The following SOX5 variants were observed in gnomAD, a reference collection of about 807,000 sequenced individuals.
The protein encoded by SOX5 is transcription factor SOX-5.
Under a neutral mutation model 92.0 loss-of-function variants are expected in SOX5, and 9 were observed. The ratio of observed to expected loss-of-function variants is 0.10; its 90% confidence interval spans 0.06 to 0.17. SOX5 has a LOEUF of 0.17. SOX5 is among the 10% of genes least tolerant of loss of function. SOX5 has a pLI of 1.00. For synonymous variants in SOX5, 344 were observed against 336.3 expected (o/e 1.02, Z -0.25); for missense variants, 642 against 944.5 (o/e 0.68, Z 4.20).
chr12:23,568,264 G>A (rs547777006), intron 10 of SOX5, among the ~76,000 whole-genome samples: 1 of 152,134 alleles, frequency 6.6e-6, no homozygotes, highest in Non-Finnish European at 1.5e-5. Flanking sequence ...GCATGGAACA[G>A]GTTCTCATTC....
At chr12:23,906,842 A>C (rs1017667135) in intron 1 of SOX5, among the ~76,000 whole-genome samples, 1 of 152,168 alleles carries the variant, frequency 6.6e-6, no homozygotes, top group Non-Finnish European at 1.5e-5. Context: ...GGTTAAGGAA[A>C]TAAAGACAGT....
At chr12:23,680,460 CACAGAG>C (rs1481755199) in intron 6 of SOX5, among the ~76,000 whole-genome samples, 1 of 150,112 alleles carries the variant, frequency 6.7e-6, no homozygotes, top group Non-Finnish European at 1.5e-5. Flanking sequence ...GATTTCAGTC[CACAGAG>C]ACAGAAAGAT....
At chr12:23,810,211 C>T (rs184804867) in intron 3 of SOX5, among the ~76,000 whole-genome samples, 25 of 152,234 alleles carry the variant, frequency 1.6e-4, no homozygotes, top group Admixed American at 6.5e-4. Flanking sequence ...GAATTAAGTA[C>T]ACCAAAAAGT....
intron 1 of SOX5, among the ~76,000 whole-genome samples, chr12:24,438,199 A>T (rs777889739): frequency 6.6e-6 from 1 of 152,080 alleles, no homozygotes; most frequent in Non-Finnish European, 1.5e-5. Context: ...ACCAAACCCC[A>T]CATGTTCTCA....
At chr12:23,708,236 C>A (rs1593492910) in intron 6 of SOX5, among the ~76,000 whole-genome samples, 1 of 148,714 alleles carries the variant, frequency 6.7e-6, no homozygotes. Flanking sequence ...GAAATCAGGC[C>A]AGTTTGGCCT....
chr12:24,251,941 C>G (rs1198861881), intron 3 of SOX5, among the ~76,000 whole-genome samples: 1 of 89,662 alleles, frequency 1.1e-5, no homozygotes, highest in African/African-American at 3.2e-5. Flanking sequence ...GCATCACAAA[C>G]CCAGTTATTA....
intron 1 of SOX5, among the ~76,000 whole-genome samples, chr12:24,518,073 CTTT>C (rs59086253): frequency 6.8e-6 from 1 of 146,130 alleles, no homozygotes. Context: ...ACACTTTAGA[CTTT>C]TTTTTTTTTT....
At chr12:23,564,301 C>T (rs979665415) in intron 10 of SOX5, among the ~76,000 whole-genome samples, 2 of 152,094 alleles carry the variant, frequency 1.3e-5, no homozygotes, top group Admixed American at 6.6e-5. Flanking sequence ...ATTAGACGTA[C>T]GTTAGTACTG....
intron 1 of SOX5, among the ~76,000 whole-genome samples, chr12:24,495,859 CGA>C (rs1218808454): frequency 1.3e-5 from 2 of 152,152 alleles, no homozygotes; most frequent in East Asian, 1.9e-4. Flanking sequence ...AGCTCAGTTC[CGA>C]GAGAGTCCTT....
chr12:23,543,648 G>T (rs1368481508), intron 12 of SOX5, among the ~76,000 whole-genome samples: 1 of 151,968 alleles, frequency 6.6e-6, no homozygotes, highest in African/African-American at 2.4e-5. Flanking sequence ...ACTTTCAACA[G>T]CTCAAAATAA....
At chr12:23,807,836 T>G (rs1265246230) in intron 3 of SOX5, among the ~76,000 whole-genome samples, 1 of 151,660 alleles carries the variant, frequency 6.6e-6, no homozygotes, top group Non-Finnish European at 1.5e-5. Flanking sequence ...TTAGTAGAGA[T>G]GGGGTTTCAC....
chr12:24,220,503 T>A (rs1172065074), intron 3 of SOX5, among the ~76,000 whole-genome samples: 3 of 152,168 alleles, frequency 2.0e-5, no homozygotes, highest in African/African-American at 7.2e-5. Flanking sequence ...TCCAAGAAAT[T>A]TTATAACTTT....
chr12:24,465,380 G>A (rs75766325), intron 1 of SOX5, among the ~76,000 whole-genome samples: 6,258 of 152,288 alleles, frequency 0.041, 185 homozygotes, highest in African/African-American at 0.08. Flanking sequence ...CTACAACTAT[G>A]AAGTAAGTTG....
At position 23,839,702 on chromosome 12, in the gene SOX5, C is replaced by T. The variant is rs113699977; in HGVS notation, c.481+6281G>A. 2.1e-3 allele frequency among the ~76,000 whole-genome samples: 313 copies of T among 151,852 alleles called. 2 individuals carry two copies. Among genetic ancestry groups the T allele is most frequent in the African/African-American group, 6.8e-3 (281 of 41,408 alleles). Reference sequence around the variant, plus strand: ...GTTTGGCATTTTAAAACCATATCAACGGTCTAATGAAAAATAAGCATATAT... The same window carrying T: ...GTTTGGCATTTTAAAACCATATCAATGGTCTAATGAAAAATAAGCATATAT... On this transcript the variant is annotated intron_variant, in intron 3 of 14. Coordinates refer to ENST00000451604, the MANE Select transcript of SOX5 (RefSeq NM_006940.6).
chr12:24,451,567 T>C (rs567181724), intron 1 of SOX5, among the ~76,000 whole-genome samples: 11 of 152,206 alleles, frequency 7.2e-5, no homozygotes, highest in African/African-American at 2.7e-4. Flanking sequence ...CACCTTTTCA[T>C]ATAATCATCT....
At chr12:24,419,950 A>G (rs1011885809) in intron 1 of SOX5, among the ~76,000 whole-genome samples, 2 of 152,254 alleles carry the variant, frequency 1.3e-5, no homozygotes, top group African/African-American at 4.8e-5. Flanking sequence ...ATAAACTGTG[A>G]AAGAAGACTC....
chr12:23,665,320 T>A (rs908608531), intron 7 of SOX5, 124 bp downstream of exon 7: 72 of 1,059,260 alleles, frequency 6.8e-5, no homozygotes, highest in Non-Finnish European at 8.9e-5. Context: ...TTCTGTGTGT[T>A]TCCTCTTTAA....
chr12:24,501,042 C>T (rs963728803), intron 1 of SOX5, among the ~76,000 whole-genome samples: 3 of 152,260 alleles, frequency 2.0e-5, no homozygotes, highest in South Asian at 2.1e-4. Context: ...GAGGGTGGGG[C>T]GGACCCACTG....
chr12:23,582,925 T>C (rs1452296146), intron 9 of SOX5, among the ~76,000 whole-genome samples: 1 of 152,112 alleles, frequency 6.6e-6, no homozygotes, highest in African/African-American at 2.4e-5. Flanking sequence ...TATTTGCTGT[T>C]TAAAATGCCC....
Sources: gnomAD v4.1 joint callset for allele counts (sites outside exome capture counted in the v4.1 genomes callset) on GRCh38, gnomAD v4.1.1 for gene constraint, MANE v1.5 for transcripts, NCBI Gene and HGNC (gene_info 2026-07-23, HGNC 2026-07-21) for gene names.